SRGAP1: variants seen among roughly 807,000 people sequenced by gnomAD.
SRGAP1 encodes the protein SLIT-ROBO Rho GTPase activating protein 1, also known as SLIT-ROBO Rho GTPase-activating protein 1.
Under a neutral mutation model 121.9 loss-of-function variants are expected in SRGAP1, and 43 were observed. The observed-to-expected ratio is 0.35, with a 90% CI of 0.28 to 0.46. The LOEUF is 0.46. Among genes scored for constraint, SRGAP1 ranks in the 20% least tolerant of loss-of-function variants. The pLI, the probability that SRGAP1 is intolerant of heterozygous loss-of-function variation, is 1.00. For synonymous variants in SRGAP1, 447 were observed against 485.4 expected, an observed-to-expected ratio of 0.92 and a Z score of 1.04; for missense variants, 1,102 against 1,350.9, an observed-to-expected ratio of 0.82 and a Z score of 2.89.
chr12:63,954,994 C>G (rs940443019), intron 1 of SRGAP1, among the ~76,000 whole-genome samples: 8 of 152,046 alleles, frequency 5.3e-5, no homozygotes, highest in Admixed American at 2.6e-4. Context: ...GCTTTTGAAG[C>G]CTTTTAAATT....
At chr12:64,080,254 A>G in intron 9 of SRGAP1, 32 bp from the exon 10 acceptor site, 4 of 1,568,918 alleles carry the variant, frequency 2.5e-6, no homozygotes, top group Non-Finnish European at 3.5e-6. Context: ...AAAAAAAAAA[A>G]AAGATTTAAA....
chr12:63,898,805 A>C (rs1162196168), intron 1 of SRGAP1, among the ~76,000 whole-genome samples: 1 of 152,210 alleles, frequency 6.6e-6, no homozygotes. Flanking sequence ...AAAACATTTA[A>C]GTTTGAATGC....
chr12:64,074,971 G>C (rs888292031), intron 8 of SRGAP1, among the ~76,000 whole-genome samples: 1 of 151,836 alleles, frequency 6.6e-6, no homozygotes, highest in African/African-American at 2.4e-5. Context: ...CATATATCCT[G>C]ATATTGTGTT....
At chr12:63,943,754 A>G (rs1185138711) in intron 1 of SRGAP1, among the ~76,000 whole-genome samples, 1 of 152,198 alleles carries the variant, frequency 6.6e-6, no homozygotes, top group Non-Finnish European at 1.5e-5. Context: ...GCCATGGGGT[A>G]TACAGATCTG....
At chr12:63,904,517 G>A (rs1192475002) in intron 1 of SRGAP1, among the ~76,000 whole-genome samples, 3 of 152,202 alleles carry the variant, frequency 2.0e-5, no homozygotes, top group Non-Finnish European at 4.4e-5. Flanking sequence ...CCAGCTGTAT[G>A]TGGCACTGTC....
At chr12:63,934,768 AG>A (rs2031605641) in intron 1 of SRGAP1, among the ~76,000 whole-genome samples, 1 of 152,296 alleles carries the variant, frequency 6.6e-6, no homozygotes, top group African/African-American at 2.4e-5. Flanking sequence ...GCAGCAGCTC[AG>A]CCCCTGCCTG....
intron 1 of SRGAP1, among the ~76,000 whole-genome samples, chr12:63,871,059 G>A (rs2136276911): frequency 6.6e-6 from 1 of 152,244 alleles, no homozygotes; most frequent in East Asian, 1.9e-4. Flanking sequence ...TTTGTAACGA[G>A]TTACCAGGTG....
intron 19 of SRGAP1, among the ~76,000 whole-genome samples, chr12:64,126,673 C>G (rs2036691764): frequency 6.6e-6 from 1 of 151,490 alleles, no homozygotes; most frequent in Non-Finnish European, 1.5e-5. Context: ...AATGTGTAGT[C>G]CAAAAGTAGC....
intron 21 of SRGAP1, 111 bp from the exon 22 acceptor site, chr12:64,142,184 G>A: frequency 1.9e-6 from 2 of 1,080,872 alleles, no homozygotes; most frequent in East Asian, 4.7e-5. Flanking sequence ...TGGAGTCAAA[G>A]ATATCCATAC....
chr12:63,851,546 A>G (rs952472042), intron 1 of SRGAP1, among the ~76,000 whole-genome samples: 1 of 151,668 alleles, frequency 6.6e-6, no homozygotes, highest in Non-Finnish European at 1.5e-5. Flanking sequence ...TAAAATAGGG[A>G]TAATAGTAGT....
At chr12:63,974,530 A>G (rs2033042506) in intron 1 of SRGAP1, among the ~76,000 whole-genome samples, 1 of 151,974 alleles carries the variant, frequency 6.6e-6, no homozygotes, top group Admixed American at 6.6e-5. Context: ...TTTAATTTTT[A>G]TTTATTTTTT....
chr12:64,081,082 CTT>C (rs1395824595), intron 10 of SRGAP1: 2 of 152,346 alleles, frequency 1.3e-5, no homozygotes, highest in South Asian at 2.1e-4. Context: ...TAATGTTTCT[CTT>C]TGTCTTTATG....
At chr12:64,005,130 A>G (rs935333052) in intron 3 of SRGAP1, among the ~76,000 whole-genome samples, 4 of 152,264 alleles carry the variant, frequency 2.6e-5, no homozygotes, top group Non-Finnish European at 5.9e-5. Context: ...AATAGGAACA[A>G]GAAAATTTGC....
intron 1 of SRGAP1, chr12:63,888,689 G>C (rs1900475022): frequency 6.6e-6 from 1 of 152,174 alleles, no homozygotes; most frequent in Non-Finnish European, 1.5e-5. Flanking sequence ...TAAGCTAAGG[G>C]AATTGTTAAC....
In SRGAP1 at chr12:63,880,182, C is replaced by T. The variant is rs148055068; in HGVS notation, c.67+35299C>T. On this transcript the variant is annotated intron_variant, in intron 1 of 21. Coordinates refer to ENST00000355086, the MANE Select transcript of SRGAP1 (RefSeq NM_020762.4). ...GTTCCTTTTCTCCTCCTTCGCCTAC[C>T]GCCATGATTGTGAAGCCTCCCCAGC... Among the ~76,000 whole-genome samples, 326 of 152,252 alleles carry T rather than the reference C, an allele frequency of 2.1e-3. 1 individual carries two copies. Among genetic ancestry groups the T allele is most frequent in the African/African-American group, 7.3e-3 (304 of 41,544 alleles).
intron 21 of SRGAP1, among the ~76,000 whole-genome samples, chr12:64,135,898 C>T (rs544196462): frequency 2.0e-5 from 3 of 152,262 alleles, no homozygotes; most frequent in Admixed American, 6.5e-5. Context: ...CACAATAAGC[C>T]GTCTGCAGGC....
intron 1 of SRGAP1, among the ~76,000 whole-genome samples, chr12:63,955,434 C>T (rs2032434664): frequency 6.6e-6 from 1 of 152,164 alleles, no homozygotes; most frequent in Admixed American, 6.5e-5. Context: ...ACATGCATTA[C>T]CTCACACACT....
chr12:64,049,258 C>A (rs767996039), intron 6 of SRGAP1, among the ~76,000 whole-genome samples: 5 of 152,110 alleles, frequency 3.3e-5, no homozygotes, highest in Admixed American at 6.6e-5. Flanking sequence ...TTGAAGAGAC[C>A]TTTCCCCAGT....
At chr12:63,996,076 A>G (rs879808399) in intron 3 of SRGAP1, among the ~76,000 whole-genome samples, 1 of 151,854 alleles carries the variant, frequency 6.6e-6, no homozygotes, top group Admixed American at 6.6e-5. Context: ...ACCAATCTCT[A>G]TATGTGAAAA....
Sources: gnomAD v4.1 joint callset for allele counts (sites outside exome capture counted in the v4.1 genomes callset) on GRCh38, gnomAD v4.1.1 for gene constraint, MANE v1.5 for transcripts, NCBI Gene and HGNC (gene_info 2026-07-23, HGNC 2026-07-21) for gene names.